Variants in TIMM17A observed in about 807,000 individuals in gnomAD.
TIMM17A encodes translocase of inner mitochondrial membrane 17A, also known as mitochondrial import inner membrane translocase subunit Tim17-A.
In TIMM17A, 15 loss-of-function variants were observed where a neutral mutation model predicts 26.5. The observed-to-expected ratio is 0.57, with a 90% CI of 0.38 to 0.87. The LOEUF (loss-of-function observed/expected upper bound fraction) is 0.87. Ranked by LOEUF, TIMM17A falls within the 40% of genes least tolerant of loss-of-function variation. The pLI is 0.00. For missense variants in TIMM17A, 201 were observed against 210.0 expected, an observed-to-expected ratio of 0.96 and a Z score of 0.27; for synonymous variants, 80 against 70.8, an observed-to-expected ratio of 1.13 and a Z score of -0.66.
rs1349755225 is a variant in TIMM17A, at chr1:201,955,517, T to G, written c.-10T>G. 7.4e-6 allele frequency: 12 copies of G among 1,614,118 alleles called. No individual in the cohort carries two copies. Among genetic ancestry groups the G allele is most frequent in the Non-Finnish European group, 1.0e-5 (12 of 1,180,046 alleles). On this transcript the variant is annotated 5_prime_UTR_variant, in exon 1 of 6. The change creates a new upstream start codon in the 5' untranslated region. Transcript: ENST00000367287. ...GCTTGCCCGGCATCACTCGCGGCATTGGAGTCAAGATGGAGGAGTACGCGC... is the reference window on the plus strand; with the variant it reads ...GCTTGCCCGGCATCACTCGCGGCATGGGAGTCAAGATGGAGGAGTACGCGC...
At chr1:201,963,295 T>C (rs1682567091) in intron 3 of TIMM17A, 1 of 201,480 alleles carries the variant, frequency 5.0e-6, no homozygotes, top group Admixed American at 6.4e-5. Flanking sequence ...AGGCTGGTCT[T>C]GAACTCCTGG....
Position 201,956,531 on chromosome 1 carries a change from C to G in TIMM17A, c.27-750C>G, listed in dbSNP as rs200815556. On this transcript the variant is annotated intron_variant, in intron 1 of 5. Coordinates refer to ENST00000367287, the MANE Select transcript of TIMM17A (RefSeq NM_006335.3). ...TCTCCTGGCTCTTCAAACTTATCTT[C>G]TTCAAAGCAGTTATCCTCCATTCTG... Among the ~76,000 whole-genome samples the G allele has an allele frequency of 1.6e-4, 24 of 152,320 alleles. No individual in the cohort carries two copies. In the East Asian group the frequency reaches 3.1e-3, roughly 20 times the overall value.
intron 5 of TIMM17A, among the ~76,000 whole-genome samples, chr1:201,966,860 T>A (rs1248858785): frequency 7.1e-6 from 1 of 140,604 alleles, no homozygotes; most frequent in Admixed American, 7.4e-5. Flanking sequence ...TATATATATA[T>A]AACATATATA....
chr1:201,967,777 C>G (rs1390943076), intron 5 of TIMM17A, among the ~76,000 whole-genome samples: 2 of 151,998 alleles, frequency 1.3e-5, no homozygotes, highest in African/African-American at 4.8e-5. Flanking sequence ...CTCAAGCGAT[C>G]CTCCCTGCCT....
Position 201,955,532 on chromosome 1 carries a change from G to A in TIMM17A, c.6G>A (p.Glu2=), listed in dbSNP as rs141892990. 851 of 1,614,268 alleles carry A rather than the reference G, an allele frequency of 5.3e-4. 3 individuals are homozygous for A. The Middle Eastern group carries it at 0.019, about 36-fold the overall frequency. The change falls in exon 1 of 6, where the codon GAG becomes GAA. Residue 2 remains glutamate, a synonymous_variant. Transcript: ENST00000367287. The part of the protein sequence containing the change: M[E]EYAREPCPWR... Reference sequence around the variant, plus strand: ...CTCGCGGCATTGGAGTCAAGATGGAGGAGTACGCGCGAGAGCCTTGGTGAG... The same window carrying A: ...CTCGCGGCATTGGAGTCAAGATGGAAGAGTACGCGCGAGAGCCTTGGTGAG...
chr1:201,966,977 GTATATTA>G (rs1341401880), intron 5 of TIMM17A, among the ~76,000 whole-genome samples: 18 of 93,356 alleles, frequency 1.9e-4, no homozygotes, highest in Admixed American at 3.7e-4. Context: ...TATATATGTT[GTATATTA>G]TATATGTTGT....
At chr1:201,967,700 G>T (rs559661871) in intron 5 of TIMM17A, among the ~76,000 whole-genome samples, 91 of 151,430 alleles carry the variant, frequency 6.0e-4, no homozygotes, top group African/African-American at 2.1e-3. Flanking sequence ...GCACCGCTAT[G>T]CCCGGCTAAT....
chr1:201,955,539 G>A lies in TIMM17A; in HGVS notation c.13G>A (p.Ala5Thr). The A allele has an allele frequency of 1.2e-6, 2 of 1,614,258 alleles. No individual in the cohort carries two copies. Among genetic ancestry groups the A allele is most frequent in the Non-Finnish European group, 1.7e-6 (2 of 1,180,050 alleles). Residue 5 changes from alanine (A) to threonine (T), a missense_variant, in exon 1 of 6, where the codon GCG becomes ACG. Ala to Thr is a moderately conservative substitution (Grantham distance 58, BLOSUM62 0). Coordinates refer to ENST00000367287, the MANE Select transcript of TIMM17A (RefSeq NM_006335.3). ...CATTGGAGTCAAGATGGAGGAGTAC[G>A]CGCGAGAGCCTTGGTGAGCTTCACC... MEEY[A>T]REPCPWRIVD...
At chr1:201,964,047 C>T (rs1329972346) in intron 4 of TIMM17A, among the ~76,000 whole-genome samples, 2 of 152,062 alleles carry the variant, frequency 1.3e-5, no homozygotes, top group African/African-American at 4.8e-5. Context: ...TGAGCCACCG[C>T]ACTCTCACCT....
chr1:201,965,493 A>G lies in TIMM17A; in HGVS notation c.380A>G (p.Glu127Gly). ...AMGGILLALI[E>G]GAGILLTRFA... ...GGTGGCATTCTCCTAGCTTTAATTG[A>G]AGGAGCTGGTATCTTGTTGACAAGA... The change falls in exon 5 of 6, where the codon GAA becomes GGA. Residue 127 changes from glutamate to glycine, a missense_variant. Transcript: ENST00000367287. The G allele has an allele frequency of 6.2e-7, 1 of 1,614,164 alleles. No individual in the cohort carries two copies. The highest frequency in any genetic ancestry group is 1.1e-5 in the South Asian group (1 of 91,084).
intron 3 of TIMM17A, among the ~76,000 whole-genome samples, chr1:201,960,942 G>T (rs1348092597): frequency 6.6e-6 from 1 of 151,878 alleles, no homozygotes; most frequent in Non-Finnish European, 1.5e-5. Flanking sequence ...TAAAGACGAG[G>T]TTTCACCATA....
At chr1:201,960,256 C>G (rs926216000) in intron 3 of TIMM17A, among the ~76,000 whole-genome samples, 1 of 152,018 alleles carries the variant, frequency 6.6e-6, no homozygotes, top group Non-Finnish European at 1.5e-5. Flanking sequence ...ACCAATTAGC[C>G]GGGTGTGGTG....
At position 201,957,458 on chromosome 1, in the gene TIMM17A, C is replaced by T. The variant is rs1571602548; in HGVS notation, c.127-53C>T. Reference sequence around the variant, plus strand: ...ATATTACTGGTGGTCCCATCAGTGGCTTAGAAATGTACTTCTAATATATTT... The same window carrying T: ...ATATTACTGGTGGTCCCATCAGTGGTTTAGAAATGTACTTCTAATATATTT... On this transcript the variant is annotated intron_variant, in intron 2 of 5. Transcript: ENST00000367287. The T allele has an allele frequency of 5.0e-6, 8 of 1,591,116 alleles. No homozygotes were observed. The East Asian group carries it at 1.8e-4, about 36-fold the overall frequency.
At chr1:201,963,422 T>C in intron 3 of TIMM17A, 194 bp from the exon 4 acceptor site, 1 of 564,260 alleles carries the variant, frequency 1.8e-6, no homozygotes, top group Non-Finnish European at 3.0e-6. Flanking sequence ...TTCCAGCTGA[T>C]ATAATACAAT....
intron 5 of TIMM17A, among the ~76,000 whole-genome samples, chr1:201,969,227 A>C (rs1256894255): frequency 6.6e-6 from 1 of 152,170 alleles, no homozygotes; most frequent in East Asian, 1.9e-4. Flanking sequence ...CTTTCCTAGC[A>C]TAGTGTTTGA....
chr1:201,966,776 A>C (rs544829125), intron 5 of TIMM17A, among the ~76,000 whole-genome samples: 1 of 151,390 alleles, frequency 6.6e-6, no homozygotes, highest in East Asian at 1.9e-4. Flanking sequence ...TGGGAGGCAG[A>C]GATTGCAGTG....
rs1183283442 is a variant in TIMM17A at position 201,970,236 on chromosome 1, C to G, written c.*682C>G. ...TCATCAGAAATTTCACCAGAAACAA[C>G]TTGCTTCCAATATACCCAATTCTAT... On this transcript the variant is annotated 3_prime_UTR_variant, in exon 6 of 6. Coordinates refer to ENST00000367287, the MANE Select transcript of TIMM17A (RefSeq NM_006335.3). The G allele has an allele frequency of 6.6e-6, 1 of 152,246 alleles. No homozygotes were observed. Among genetic ancestry groups the G allele is most frequent in the African/African-American group, 2.4e-5 (1 of 41,468 alleles). 9.4% of individuals were successfully genotyped at this position (152,246 alleles called of 1,614,324 possible). A position where few individuals can be genotyped will look rare whatever the true frequency, so the allele number is the denominator to read the frequency against.
Position 201,957,506 on chromosome 1 carries a change from T to TA in TIMM17A, c.127-4dup. On this transcript the variant is annotated splice_polypyrimidine_tract_variant and splice_region_variant and intron_variant, in intron 2 of 5. Coordinates refer to ENST00000367287, the MANE Select transcript of TIMM17A (RefSeq NM_006335.3). The stretch of plus-strand genomic sequence containing the variant: ...TTTTTTGTTGCTTCCTTTTTTTTGT[T>TA]ATAGGGAGTAAACCACAGACTACGA... 6.2e-7 allele frequency: 1 copy of TA among 1,613,366 alleles called. No individual in the cohort carries two copies. Among genetic ancestry groups the TA allele is most frequent in the Non-Finnish European group, 8.5e-7 (1 of 1,179,800 alleles).
At chr1:201,962,702 T>G (rs930574730) in intron 3 of TIMM17A, 2 of 152,236 alleles carry the variant, frequency 1.3e-5, no homozygotes, top group Admixed American at 1.3e-4. Flanking sequence ...GATTTAAGGT[T>G]GTTTTAAATT....
Sources: gnomAD v4.1 joint callset for allele counts (sites outside exome capture counted in the v4.1 genomes callset) on GRCh38, gnomAD v4.1.1 for gene constraint, MANE v1.5 for transcripts, NCBI Gene and HGNC (gene_info 2026-07-23, HGNC 2026-07-21) for gene names.